Variants in ABCC9 observed in about 807,000 individuals in gnomAD.
ABCC9 encodes ATP-binding cassette sub-family C member 9.
In ABCC9, 95 loss-of-function variants were observed where a neutral mutation model predicts 188.3. The ratio of observed to expected loss-of-function variants is 0.50; its 90% CI spans 0.43 to 0.60. The LOEUF is 0.60. Ranked by LOEUF, ABCC9 falls within the 20% of genes least tolerant of loss-of-function variation. ABCC9 has a pLI of 0.00. For missense variants in ABCC9, 1,102 were observed against 1,876.3 expected (o/e 0.59, Z 7.62); for synonymous variants, 659 against 652.7 (o/e 1.01, Z -0.15).
intron 3 of ABCC9, 89 bp from the exon 4 acceptor site, chr12:21,934,012 G>A: frequency 7.0e-7 from 1 of 1,420,448 alleles, no homozygotes; most frequent in Non-Finnish European, 9.8e-7. Flanking sequence ...TAAGCTTTAA[G>A]GCAGGGGTGG....
chr12:21,812,909 A>G (rs1045640841), intron 35 of ABCC9, among the ~76,000 whole-genome samples: 6 of 152,100 alleles, frequency 3.9e-5, no homozygotes, highest in Non-Finnish European at 5.9e-5. Flanking sequence ...TCTTTCTTAT[A>G]TATTTCTCCT....
chr12:21,812,009 A>C, intron 36 of ABCC9, 40 bp downstream of exon 36: 1 of 1,420,168 alleles, frequency 7.0e-7, no homozygotes. Flanking sequence ...TCAAAGGCTA[A>C]ATCCTAAGGC....
intron 5 of ABCC9, chr12:21,924,378 A>C (rs1948967741): frequency 6.6e-6 from 1 of 152,128 alleles, no homozygotes; most frequent in Non-Finnish European, 1.5e-5. Context: ...AATTTGAAGA[A>C]TTCAGATGTT....
intron 29 of ABCC9, among the ~76,000 whole-genome samples, chr12:21,840,437 A>C (rs763662362): frequency 3.3e-4 from 51 of 152,358 alleles, no homozygotes; most frequent in Middle Eastern, 3.4e-3. Context: ...TTTAGTCTCT[A>C]ATAGATTATT....
chr12:21,891,195 G>A (rs1220078562), intron 14 of ABCC9, among the ~76,000 whole-genome samples: 1 of 152,084 alleles, frequency 6.6e-6, no homozygotes, highest in African/African-American at 2.4e-5. Context: ...GCCTAGCAAT[G>A]TACCTGTATC....
In ABCC9 at chr12:21,799,380, C is replaced by G. The variant is rs1418159392; in HGVS notation, c.*1664G>C. On this transcript the variant is annotated 3_prime_UTR_variant, in exon 40 of 40. Transcript: ENST00000261200. ...TTCTGCCCTACAAAATATTTAAACA[C>G]CATTTTAGGAGAGTGGTTGAATTTT... The G allele has an allele frequency of 6.6e-6, 1 of 151,646 alleles. No individual in the cohort carries two copies. The highest frequency in any genetic ancestry group is 1.5e-5 in the Non-Finnish European group (1 of 67,964). The allele number at this position is 151,646 out of a possible 1,614,324, so 9.4% of individuals were successfully genotyped here.
At chr12:21,830,366 A>G (rs1565712434) in intron 30 of ABCC9, among the ~76,000 whole-genome samples, 1 of 152,138 alleles carries the variant, frequency 6.6e-6, no homozygotes, top group Non-Finnish European at 1.5e-5. Flanking sequence ...ACCAAATCAA[A>G]ATGTGATTTA....
chr12:21,930,533 C>G (rs576525718), intron 4 of ABCC9, among the ~76,000 whole-genome samples: 1 of 152,206 alleles, frequency 6.6e-6, no homozygotes, highest in African/African-American at 2.4e-5. Context: ...AAAACTAAGA[C>G]AAGATCCTCT....
intron 24 of ABCC9, 54 bp from the exon 25 acceptor site, chr12:21,848,300 T>G: frequency 6.8e-7 from 1 of 1,472,976 alleles, no homozygotes; most frequent in South Asian, 1.1e-5. Context: ...AGGTTGTGAC[T>G]TATCAATGAA....
chr12:21,847,549 G>C (rs573022335), intron 25 of ABCC9, among the ~76,000 whole-genome samples: 57 of 152,172 alleles, frequency 3.7e-4, no homozygotes, highest in Admixed American at 1.0e-3. Flanking sequence ...TGACTTAAAA[G>C]GTGGTTTATC....
At chr12:21,827,470 G>A (rs1277953494) in intron 31 of ABCC9, 1 of 199,402 alleles carries the variant, frequency 5.0e-6, no homozygotes, top group African/African-American at 2.4e-5. Context: ...CATTCTTTCA[G>A]TAAGCTATTT....
At chr12:21,889,299 C>A (rs971177045) in intron 14 of ABCC9, among the ~76,000 whole-genome samples, 1 of 152,072 alleles carries the variant, frequency 6.6e-6, no homozygotes, top group Non-Finnish European at 1.5e-5. Context: ...CAAAGTCTGA[C>A]CACATAGACT....
intron 12 of ABCC9, among the ~76,000 whole-genome samples, chr12:21,898,476 C>G (rs1947539662): frequency 6.6e-6 from 1 of 152,148 alleles, no homozygotes; most frequent in Non-Finnish European, 1.5e-5. Flanking sequence ...GATAAAACTC[C>G]TTCCAACTTT....
intron 35 of ABCC9, among the ~76,000 whole-genome samples, chr12:21,813,378 C>T (rs1249149172): frequency 2.0e-5 from 3 of 152,084 alleles, no homozygotes; most frequent in Non-Finnish European, 4.4e-5. Flanking sequence ...CAGCTGCAGT[C>T]CTTTTACCAG....
At chr12:21,917,971 G>C (rs1307955797) in intron 5 of ABCC9, among the ~76,000 whole-genome samples, 1 of 151,926 alleles carries the variant, frequency 6.6e-6, no homozygotes, top group Non-Finnish European at 1.5e-5. Context: ...CTGATCATTG[G>C]CATATGAACT....
rs117675502 is a variant in ABCC9 at position 21,822,407 on chromosome 12, A to T, written c.3670-4156T>A. ...CATAAGGGATGAAGCTCCTTTGTGT[A>T]CTACACTTTTCAAAAAATATTCAGC... On this transcript the variant is annotated intron_variant, in intron 31 of 39. Coordinates refer to ENST00000261200, the MANE Select transcript of ABCC9 (RefSeq NM_020297.4). 5.3e-5 allele frequency among the ~76,000 whole-genome samples: 8 copies of T among 152,020 alleles called. No individual in the cohort carries two copies. In the East Asian group the frequency reaches 1.4e-3, roughly 26 times the overall value.
chr12:21,859,770 A>T (rs938889927), intron 21 of ABCC9, 104 bp from the exon 22 acceptor site: 1 of 948,026 alleles, frequency 1.1e-6, no homozygotes, highest in Admixed American at 1.7e-5. Context: ...TCTTAGATTG[A>T]TAGTAACTTG....
At chr12:21,892,636 T>C (rs1947218247) in intron 14 of ABCC9, among the ~76,000 whole-genome samples, 1 of 152,194 alleles carries the variant, frequency 6.6e-6, no homozygotes, top group Non-Finnish European at 1.5e-5. Flanking sequence ...CTAACAGCTC[T>C]AGAACTGGTT....
chr12:21,906,319 G>T (rs1234823838), intron 11 of ABCC9, 31 bp from the exon 12 acceptor site: 8 of 1,580,092 alleles, frequency 5.1e-6, no homozygotes, highest in Non-Finnish European at 6.0e-6. Context: ...AATAATACCA[G>T]CTGCATCCAA....
Sources: allele counts gnomAD v4.1 joint callset (sites outside exome capture counted in the v4.1 genomes callset), GRCh38; gene constraint gnomAD v4.1.1; transcripts MANE v1.5; gene names NCBI Gene and HGNC (gene_info 2026-07-23, HGNC 2026-07-21).